Variants in ELOVL6 observed in about 807,000 individuals in gnomAD.
ELOVL6 encodes ELOVL fatty acid elongase 6.
Under a neutral mutation model 31.7 loss-of-function variants are expected in ELOVL6, and 8 were observed. The ratio of observed to expected loss-of-function variants is 0.25; its 90% CI spans 0.15 to 0.45. The LOEUF is 0.45. Among genes scored for constraint, ELOVL6 ranks in the 20% least tolerant of loss-of-function variants. The probability of loss-of-function intolerance (pLI) is 1.00; values close to 1 mark genes in which losing one functional copy is unlikely to be tolerated. For missense variants in ELOVL6, 126 were observed against 326.4 expected (o/e 0.39, Z 4.73); for synonymous variants, 101 against 117.7 (o/e 0.86, Z 0.92).
rs1230516258 is a variant in ELOVL6, at chr4:110,059,767, A to C, written c.222-13T>G. 6.3e-7 allele frequency: 1 copy of C among 1,597,560 alleles called. No homozygotes were observed. Among genetic ancestry groups the C allele is most frequent in the Non-Finnish European group, 8.5e-7 (1 of 1,171,644 alleles). On this transcript the variant is annotated splice_polypyrimidine_tract_variant and intron_variant, in intron 2 of 3. Transcript: ENST00000302274. ...AGCACCGAATATACTTCATAATGAAAAGAGAAAAGAAACAGCATTTAGGAA... is the reference window on the plus strand; with the variant it reads ...AGCACCGAATATACTTCATAATGAACAGAGAAAAGAAACAGCATTTAGGAA...
rs1754707721 is a variant in ELOVL6 at position 110,046,816 on chromosome 4, C to G, written c.*4522G>C. ...TGCTCATTGGCAAACTGGGACCTAC[C>G]CCTTCATACTGATTGTCGGAACAAA... On this transcript the variant is annotated 3_prime_UTR_variant, in exon 4 of 4. Transcript: ENST00000302274. 6.6e-6 allele frequency: 1 copy of G among 152,164 alleles called. No individual in the cohort carries two copies. The highest frequency in any genetic ancestry group is 1.5e-5 in the Non-Finnish European group (1 of 68,030). The allele number at this position is 152,164 out of a possible 1,614,324, so 9.4% of individuals were successfully genotyped here. A position where few individuals can be genotyped will look rare whatever the true frequency, so the allele number is the denominator to read the frequency against.
chr4:110,107,240 T>C (rs1018855588), intron 1 of ELOVL6, among the ~76,000 whole-genome samples: 3 of 152,150 alleles, frequency 2.0e-5, no homozygotes, highest in African/African-American at 7.2e-5. Context: ...ATTCCAGAAA[T>C]CAACCCATAA....
At chr4:110,170,018 T>C (rs908480054) in intron 1 of ELOVL6, among the ~76,000 whole-genome samples, 2 of 152,118 alleles carry the variant, frequency 1.3e-5, no homozygotes, top group Non-Finnish European at 2.9e-5. Context: ...TTTTACCATG[T>C]TGGCCAGACT....
At chr4:110,152,616 A>C (rs971274626) in intron 1 of ELOVL6, among the ~76,000 whole-genome samples, 2 of 152,168 alleles carry the variant, frequency 1.3e-5, no homozygotes, top group Non-Finnish European at 2.9e-5. Flanking sequence ...ATCTTGTTGA[A>C]ATGCACATTC....
At chr4:110,138,976 T>C (rs1757879745) in intron 1 of ELOVL6, among the ~76,000 whole-genome samples, 2 of 152,264 alleles carry the variant, frequency 1.3e-5, no homozygotes, top group South Asian at 4.1e-4. Flanking sequence ...TATAGATACA[T>C]CAGTGGATAG....
At chr4:110,078,479 C>T (rs1312117261) in intron 2 of ELOVL6, among the ~76,000 whole-genome samples, 1 of 152,098 alleles carries the variant, frequency 6.6e-6, no homozygotes, top group African/African-American at 2.4e-5. Context: ...ATTTCATATC[C>T]AGCCAAACTA....
chr4:110,073,805 G>A (rs1314419937), intron 2 of ELOVL6, among the ~76,000 whole-genome samples: 6 of 152,046 alleles, frequency 3.9e-5, no homozygotes, highest in African/African-American at 1.4e-4. Context: ...AAGTGTGAGA[G>A]GGGAAATAAA....
chr4:110,112,319 A>G (rs145131570), intron 1 of ELOVL6, among the ~76,000 whole-genome samples: 177 of 152,338 alleles, frequency 1.2e-3, no homozygotes, highest in African/African-American at 3.9e-3. Context: ...GATCACCTTT[A>G]GGAATGAATA....
rs1578279923 is a variant in ELOVL6, at chr4:110,175,243, C to T, written c.89+23004G>A. On this transcript the variant is annotated intron_variant, in intron 1 of 3. Transcript: ENST00000302274. ...ACAAAAAATACAAAAATTAGCCACGCGTGGTGGTGCACGCTTATAATCCCA... is the reference window on the plus strand; with the variant it reads ...ACAAAAAATACAAAAATTAGCCACGTGTGGTGGTGCACGCTTATAATCCCA... Among the ~76,000 whole-genome samples, 4 of 152,008 alleles carry T rather than the reference C, an allele frequency of 2.6e-5. No homozygotes were observed. In the South Asian group the frequency reaches 6.2e-4, roughly 24 times the overall value.
At chr4:110,129,016 C>G (rs1370263138) in intron 1 of ELOVL6, among the ~76,000 whole-genome samples, 1 of 152,118 alleles carries the variant, frequency 6.6e-6, no homozygotes, top group African/African-American at 2.4e-5. Context: ...TTTGCACCAA[C>G]CTACACATTC....
chr4:110,133,132 A>C (rs779216441), intron 1 of ELOVL6, among the ~76,000 whole-genome samples: 1 of 152,324 alleles, frequency 6.6e-6, no homozygotes, highest in South Asian at 2.1e-4. Flanking sequence ...TTAAGAAGAC[A>C]CATTCAAGAG....
rs1756036254 is a variant in ELOVL6 at position 110,084,102 on chromosome 4, G to GATATATAAC, written c.221+21394_221+21395insGTTATATAT. Among the ~76,000 whole-genome samples, 21 of 76,612 alleles carry GATATATAAC rather than the reference G, an allele frequency of 2.7e-4. 2 individuals carry two copies. Among genetic ancestry groups the GATATATAAC allele is most frequent in the African/African-American group, 1.1e-3 (15 of 13,526 alleles). The allele number at this position is 76,612 out of a possible 152,430, so 50.3% of individuals were successfully genotyped here. On this transcript the variant is annotated intron_variant, in intron 2 of 3. Coordinates refer to ENST00000302274, the MANE Select transcript of ELOVL6 (RefSeq NM_024090.3). ...TATATATGATATATAACATATATATGATATATATGATATATATAACATATA... is the reference window on the plus strand; with the variant it reads ...TATATATGATATATAACATATATATGATATATAACATATATATGATATATATAACATATA...
chr4:110,125,632 T>A (rs1346162202), intron 1 of ELOVL6, among the ~76,000 whole-genome samples: 2 of 150,578 alleles, frequency 1.3e-5, no homozygotes, highest in Non-Finnish European at 3.0e-5. Context: ...ACCAGCCTGG[T>A]CAACATAGTG....
chr4:110,094,514 T>G (rs1756524891), intron 2 of ELOVL6, among the ~76,000 whole-genome samples: 1 of 142,212 alleles, frequency 7.0e-6, no homozygotes, highest in Non-Finnish European at 1.5e-5. Flanking sequence ...TATACATATA[T>G]ATAATTAAAA....
At chr4:110,188,743 T>C (rs931812912) in intron 1 of ELOVL6, among the ~76,000 whole-genome samples, 1 of 151,528 alleles carries the variant, frequency 6.6e-6, no homozygotes, top group Non-Finnish European at 1.5e-5. Context: ...ACAAAAAAAA[T>C]TAGCCAGGCA....
chr4:110,177,009 C>T (rs1222575545), intron 1 of ELOVL6, among the ~76,000 whole-genome samples: 1 of 152,376 alleles, frequency 6.6e-6, no homozygotes, highest in Non-Finnish European at 1.5e-5. Context: ...TGCGAGATTA[C>T]AGGCGTGAGC....
intron 1 of ELOVL6, among the ~76,000 whole-genome samples, chr4:110,141,086 G>A (rs910971409): frequency 6.6e-6 from 1 of 151,708 alleles, no homozygotes; most frequent in Non-Finnish European, 1.5e-5. Flanking sequence ...TTTTTGAGAT[G>A]GAGTTTCGTT....
chr4:110,086,328 T>G (rs1422194339), intron 2 of ELOVL6, among the ~76,000 whole-genome samples: 1 of 152,172 alleles, frequency 6.6e-6, no homozygotes, highest in Non-Finnish European at 1.5e-5. Flanking sequence ...GTGGTTGCAT[T>G]TTATGTGCAT....
chr4:110,121,752 A>G (rs1757365025), intron 1 of ELOVL6, among the ~76,000 whole-genome samples: 1 of 152,186 alleles, frequency 6.6e-6, no homozygotes, highest in Non-Finnish European at 1.5e-5. Context: ...CCCCATCACT[A>G]TTTCTGCCAG....
Sources: gnomAD v4.1 joint callset for allele counts (sites outside exome capture counted in the v4.1 genomes callset) on GRCh38, gnomAD v4.1.1 for gene constraint, MANE v1.5 for transcripts, NCBI Gene and HGNC (gene_info 2026-07-23, HGNC 2026-07-21) for gene names.